ANO4: variants seen among roughly 807,000 people sequenced by gnomAD.
ANO4 encodes anoctamin 4, also known as anoctamin-4.
ANO4 carries 69 observed loss-of-function variants against 141.9 expected under a neutral mutation model. That is an observed-to-expected ratio of 0.49 (90% CI 0.40 to 0.59). The LOEUF is 0.59. Among genes scored for constraint, ANO4 ranks in the 20% least tolerant of loss-of-function variants. The pLI is 0.00. For synonymous variants in ANO4, 350 were observed against 394.3 expected (o/e 0.89, Z 1.33); for missense variants, 894 against 1,162.2 (o/e 0.77, Z 3.36).
intron 3 of ANO4, among the ~76,000 whole-genome samples, chr12:100,789,243 C>T (rs996977816): frequency 1.3e-5 from 2 of 152,168 alleles, no homozygotes; most frequent in African/African-American, 4.8e-5. Context: ...ACCAGGTCTA[C>T]ATAGTTAGGA....
intron 5 of ANO4, 138 bp from the exon 6 acceptor site, chr12:100,971,168 G>A: frequency 2.1e-6 from 1 of 487,706 alleles, no homozygotes; most frequent in Non-Finnish European, 3.6e-6. Flanking sequence ...ACTTGCACTT[G>A]TAAGGGTCTG....
At chr12:100,987,267 C>A in intron 7 of ANO4, 1 of 372,814 alleles carries the variant, frequency 2.7e-6, no homozygotes. Flanking sequence ...GTTAGGACTG[C>A]TTGGTCATTT....
chr12:100,788,115 A>T (rs1695689599), intron 3 of ANO4, among the ~76,000 whole-genome samples: 2 of 152,116 alleles, frequency 1.3e-5, no homozygotes, highest in South Asian at 4.1e-4. Context: ...GAAAAGAGGG[A>T]TGATGTGGTC....
chr12:101,068,902 C>G lies in ANO4; in HGVS notation c.1313-10291C>G. The stretch of plus-strand genomic sequence containing the variant: ...TGAAGATTTAAAGCTAACAGAGCTC[C>G]TCCGATACTACATGCTCAACATCGA... On this transcript the variant is annotated intron_variant, in intron 14 of 27. Transcript: ENST00000392977. 4 of 837,246 alleles carry G rather than the reference C, an allele frequency of 4.8e-6. No individual in the cohort carries two copies. The East Asian group carries it at 9.8e-5, about 21-fold the overall frequency. The allele number at this position is 837,246 out of a possible 1,614,324, so 51.9% of individuals were successfully genotyped here.
At chr12:101,082,974 GC>G (rs1210185272) in intron 15 of ANO4, among the ~76,000 whole-genome samples, 1 of 152,138 alleles carries the variant, frequency 6.6e-6, no homozygotes, top group Non-Finnish European at 1.5e-5. Context: ...TTAGTCAGAA[GC>G]TTTTCACATT....
intron 3 of ANO4, among the ~76,000 whole-genome samples, chr12:100,750,994 G>A (rs2032349563): frequency 6.6e-6 from 1 of 152,178 alleles, no homozygotes; most frequent in Admixed American, 6.5e-5. Flanking sequence ...GATATGAGCT[G>A]TGATGATGCA....
intron 24 of ANO4, among the ~76,000 whole-genome samples, chr12:101,113,721 TCATAA>T (rs2050749172): frequency 6.6e-6 from 1 of 152,222 alleles, no homozygotes; most frequent in Admixed American, 6.5e-5. Flanking sequence ...GTATAGAAAG[TCATAA>T]GCCTTTAGGG....
At chr12:100,975,358 A>G (rs981151915) in intron 7 of ANO4, among the ~76,000 whole-genome samples, 3 of 151,152 alleles carry the variant, frequency 2.0e-5, no homozygotes, top group South Asian at 4.2e-4. Flanking sequence ...AAAAATCCCA[A>G]TATCTTTGGC....
At chr12:100,892,204 T>C (rs1247697322) in intron 1 of ANO4, among the ~76,000 whole-genome samples, 1 of 152,244 alleles carries the variant, frequency 6.6e-6, no homozygotes, top group Admixed American at 6.5e-5. Flanking sequence ...CTATTGTGTC[T>C]AAAGTTGCAG....
At chr12:100,755,849 C>T (rs549878381) in intron 3 of ANO4, among the ~76,000 whole-genome samples, 3 of 152,262 alleles carry the variant, frequency 2.0e-5, no homozygotes, top group Non-Finnish European at 4.4e-5. Flanking sequence ...TCCCTTGAAA[C>T]CTTAACATTT....
rs2051422578 is a variant in ANO4 at position 101,128,598 on chromosome 12, ATAAAATT to A, written c.*749_*755del. 1 of 152,682 alleles carries A rather than the reference ATAAAATT, an allele frequency of 6.5e-6. No individual in the cohort carries two copies. Among genetic ancestry groups the A allele is most frequent in the Non-Finnish European group, 1.5e-5 (1 of 68,050 alleles). The allele number at this position is 152,682 out of a possible 1,614,324, so 9.5% of individuals were successfully genotyped here. A position where few individuals can be genotyped will look rare whatever the true frequency, so the allele number is the denominator to read the frequency against. On this transcript the variant is annotated 3_prime_UTR_variant, in exon 28 of 28. Transcript: ENST00000392977. ...ATTAATGCTTGTATAATGTGATGCA[ATAAAATT>A]TAAAATAAATTTCTGCACATGGAAT...
At chr12:101,006,182 T>C (rs887596882) in intron 8 of ANO4, among the ~76,000 whole-genome samples, 3 of 152,194 alleles carry the variant, frequency 2.0e-5, no homozygotes, top group Non-Finnish European at 2.9e-5. Context: ...TTATGCAACA[T>C]GCTCCCTCAT....
In ANO4 at chr12:101,037,103, C is replaced by T. The variant is rs780598682; in HGVS notation, c.850C>T (p.Arg284Cys). 1.6e-5 allele frequency: 26 copies of T among 1,613,784 alleles called. 1 individual carries two copies. The highest frequency in any genetic ancestry group is 1.0e-4 in the Admixed American group (6 of 59,984). ...EEGKNKIGLN[R>C]LLTNGSYEAA... ...CTTATTTGCTGTTTTAGGTCTGAAT[C>T]GTTTGCTTACCAATGGCTCCTATGA... Residue 284 changes from arginine to cysteine, a missense_variant, in exon 10 of 28, where the codon CGT becomes TGT. Arg to Cys is a radical substitution (Grantham distance 180, BLOSUM62 -3). Around this residue, in one of 2 missense-constraint regions of ANO4, gnomAD observed 637 missense variants for 909.2 expected, o/e 0.70. Transcript: ENST00000392977.
At chr12:101,110,364 A>G in intron 22 of ANO4, 40 bp from the exon 23 acceptor site, 2 of 1,536,352 alleles carry the variant, frequency 1.3e-6, no homozygotes, top group South Asian at 2.6e-5. Context: ...AGTAATGGAA[A>G]ACCAATACTC....
chr12:101,048,131 A>G, intron 13 of ANO4: 2 of 1,088,484 alleles, frequency 1.8e-6, no homozygotes, highest in Non-Finnish European at 2.5e-6. Context: ...CCACATAAAG[A>G]GAACAAATTG....
chr12:100,813,369 A>C (rs1593401304), intron 1 of ANO4, among the ~76,000 whole-genome samples: 2 of 152,310 alleles, frequency 1.3e-5, no homozygotes, highest in Admixed American at 6.5e-5. Flanking sequence ...AGCAAAGTAC[A>C]GAAGGTTTGA....
intron 7 of ANO4, among the ~76,000 whole-genome samples, chr12:100,980,568 A>G (rs1274295691): frequency 1.3e-5 from 2 of 152,226 alleles, no homozygotes; most frequent in Admixed American, 6.5e-5. Flanking sequence ...TTTCATTTAT[A>G]TAAGTGATAT....
chr12:101,103,227 A>ATATATC (rs2050279242), intron 22 of ANO4, among the ~76,000 whole-genome samples: 4 of 108,828 alleles, frequency 3.7e-5, no homozygotes, highest in African/African-American at 1.6e-4. Flanking sequence ...ATATATATAT[A>ATATATC]TATCTTTTTG....
At chr12:101,053,244 C>T (rs1025733571) in intron 14 of ANO4, among the ~76,000 whole-genome samples, 3 of 152,156 alleles carry the variant, frequency 2.0e-5, no homozygotes, top group Admixed American at 6.5e-5. Context: ...GAAGTCTTAG[C>T]TTTGCCAGGC....
Sources: allele counts gnomAD v4.1 joint callset (sites outside exome capture counted in the v4.1 genomes callset), GRCh38; gene constraint gnomAD v4.1.1; regional missense constraint gnomAD v4.1.1; transcripts MANE v1.5; gene names NCBI Gene and HGNC (gene_info 2026-07-23, HGNC 2026-07-21).